TMC7: variants seen among roughly 807,000 people sequenced by gnomAD.
The protein encoded by TMC7 is transmembrane channel-like protein 7.
A neutral mutation model predicts 82.9 loss-of-function variants in TMC7; 54 were observed. That is an observed-to-expected ratio of 0.65 (90% CI 0.52 to 0.82). The LOEUF (loss-of-function observed/expected upper bound fraction) is 0.82, where lower values mean the gene tolerates loss of function less well. Ranked by LOEUF, TMC7 falls within the 40% of genes least tolerant of loss-of-function variation. TMC7 has a pLI of 0.00. For synonymous variants in TMC7, 350 were observed against 337.9 expected (o/e 1.04, Z -0.39); for missense variants, 820 against 901.2 (o/e 0.91, Z 1.15).
intron 5 of TMC7, among the ~76,000 whole-genome samples, chr16:19,027,662 T>C (rs1377962784): frequency 6.6e-6 from 1 of 152,146 alleles, no homozygotes; most frequent in Non-Finnish European, 1.5e-5. Context: ...TTTCTTCTGG[T>C]TGGACACGTT....
chr16:19,037,512 C>A (rs1960810720), intron 7 of TMC7, among the ~76,000 whole-genome samples: 1 of 146,828 alleles, frequency 6.8e-6, no homozygotes, highest in Non-Finnish European at 1.5e-5. Flanking sequence ...ACTCTGTCAC[C>A]CAGGCTGGAG....
At chr16:19,017,716 C>T (rs1244509197) in intron 3 of TMC7, among the ~76,000 whole-genome samples, 1 of 139,300 alleles carries the variant, frequency 7.2e-6, no homozygotes, top group African/African-American at 2.6e-5. Flanking sequence ...ATCACCCAGG[C>T]TGGAGTGCAG....
At chr16:18,992,420 C>A (rs2142122177) in intron 1 of TMC7, among the ~76,000 whole-genome samples, 1 of 152,284 alleles carries the variant, frequency 6.6e-6, no homozygotes, top group African/African-American at 2.4e-5. Flanking sequence ...TGTTCATATC[C>A]TTTGCCCACT....
chr16:19,054,840 G>T (rs1216458012), intron 13 of TMC7, among the ~76,000 whole-genome samples: 3 of 146,222 alleles, frequency 2.1e-5, no homozygotes, highest in African/African-American at 5.0e-5. Context: ...CGTCTCCCAG[G>T]TTCAAGCGAT....
chr16:19,016,002 C>T (rs372848426), intron 2 of TMC7, among the ~76,000 whole-genome samples: 9 of 152,270 alleles, frequency 5.9e-5, no homozygotes, highest in South Asian at 4.1e-4. Flanking sequence ...TCCATAGCGG[C>T]GGCATTTTAT....
intron 2 of TMC7, among the ~76,000 whole-genome samples, chr16:19,011,773 G>A (rs1327944570): frequency 6.6e-6 from 1 of 152,056 alleles, no homozygotes; most frequent in East Asian, 1.9e-4. Context: ...GTACCTTGTA[G>A]GTTTGAGAAT....
At chr16:18,991,787 C>T (rs1358611099) in intron 1 of TMC7, among the ~76,000 whole-genome samples, 1 of 152,148 alleles carries the variant, frequency 6.6e-6, no homozygotes, top group Non-Finnish European at 1.5e-5. Context: ...TTTCTGTGTC[C>T]AAGTGTTCTC....
At chr16:19,035,890 T>C (rs1419474224) in intron 7 of TMC7, 67 bp downstream of exon 7, 5 of 1,507,704 alleles carry the variant, frequency 3.3e-6, no homozygotes, top group Non-Finnish European at 4.4e-6. Context: ...GGAGCCTGAG[T>C]TTTCAGCTTG....
chr16:19,027,211 G>A (rs1355155381), intron 5 of TMC7, among the ~76,000 whole-genome samples: 1 of 151,082 alleles, frequency 6.6e-6, no homozygotes, highest in Non-Finnish European at 1.5e-5. Flanking sequence ...CTGGATTACA[G>A]GTGTGTATGA....
intron 12 of TMC7, among the ~76,000 whole-genome samples, chr16:19,047,836 C>T (rs1211116012): frequency 3.3e-5 from 5 of 150,858 alleles, no homozygotes; most frequent in African/African-American, 7.3e-5. Context: ...GCCTCAGCAT[C>T]CTGAGTAGCT....
chr16:19,051,573 T>C, intron 12 of TMC7, 113 bp from the exon 13 acceptor site: 1 of 1,261,136 alleles, frequency 7.9e-7, no homozygotes, highest in Non-Finnish European at 1.1e-6. Flanking sequence ...TGGACTACCC[T>C]CTGGAAAGGT....
At chr16:19,016,854 A>G (rs575336310) in intron 3 of TMC7, among the ~76,000 whole-genome samples, 2 of 152,260 alleles carry the variant, frequency 1.3e-5, no homozygotes, top group South Asian at 2.1e-4. Context: ...TGGAAATTTC[A>G]GTCATTATTA....
intron 15 of TMC7, among the ~76,000 whole-genome samples, chr16:19,061,089 C>T (rs1961987679): frequency 6.6e-6 from 1 of 151,778 alleles, no homozygotes; most frequent in Admixed American, 6.6e-5. Flanking sequence ...CTGCAACCTC[C>T]ACCTCCTGGG....
chr16:19,009,367 A>G lies in TMC7; in HGVS notation c.263A>G (p.His88Arg), dbSNP rs2142170828. 2 of 1,614,182 alleles carry G rather than the reference A, an allele frequency of 1.2e-6. No homozygotes were observed. The highest frequency in any genetic ancestry group is 2.2e-5 in the South Asian group (2 of 91,088). Residue 88 changes from histidine (H) to arginine (R), a missense_variant, in exon 2 of 16, where the codon CAT becomes CGT. This residue lies in a region of TMC7 where 650 missense variants were observed against 669.9 expected (regional missense o/e 0.97). Coordinates refer to ENST00000304381, the MANE Select transcript of TMC7 (RefSeq NM_024847.4). ...AGAATCGCTGAAAACCTCAGCAGCC[A>G]TTCTCTTCGAAATTATGCACTGAAC... is the stretch of plus-strand genomic sequence containing the variant. Reference protein sequence around the residue: ...EDRIAENLSSHSLRNYALNIS... With the variant: ...EDRIAENLSSRSLRNYALNIS...
chr16:18,989,766 G>A (rs1187694114), intron 1 of TMC7, among the ~76,000 whole-genome samples: 1 of 151,610 alleles, frequency 6.6e-6, no homozygotes, highest in Non-Finnish European at 1.5e-5. Context: ...AGATAGAGAA[G>A]GAAGAGTGGC....
At position 19,062,644 on chromosome 16, in the gene TMC7, A is replaced by C. The variant is rs533740962; in HGVS notation, c.*801A>C. ...TCTCCCTAAAAAAAAAATGTAGAAT[A>C]TCTCTTAAGATTTCCGTTATGGTAA... On this transcript the variant is annotated 3_prime_UTR_variant, in exon 16 of 16. Coordinates refer to ENST00000304381, the MANE Select transcript of TMC7 (RefSeq NM_024847.4). The C allele has an allele frequency of 6.5e-6, 1 of 152,760 alleles. No individual in the cohort carries two copies. The highest frequency in any genetic ancestry group is 1.9e-4 in the East Asian group (1 of 5,184). The allele number at this position is 152,760 out of a possible 1,614,324, so 9.5% of individuals were successfully genotyped here.
At chr16:18,997,974 C>T (rs973344313) in intron 1 of TMC7, among the ~76,000 whole-genome samples, 2 of 151,816 alleles carry the variant, frequency 1.3e-5, no homozygotes, top group African/African-American at 4.8e-5. Flanking sequence ...TCTCGTGATC[C>T]GCCCGCCTCG....
At chr16:19,061,685 A>T in intron 15 of TMC7, 93 bp from the exon 16 acceptor site, 2 of 1,030,764 alleles carry the variant, frequency 1.9e-6, no homozygotes, top group Non-Finnish European at 2.9e-6. Context: ...ACAATAGTCC[A>T]GTGGTTAGAA....
intron 13 of TMC7, among the ~76,000 whole-genome samples, chr16:19,053,630 C>T (rs895889496): frequency 3.3e-5 from 5 of 152,056 alleles, no homozygotes; most frequent in Non-Finnish European, 7.3e-5. Flanking sequence ...ATCAAACTCC[C>T]GACCGCAGGT....
Sources: allele counts gnomAD v4.1 joint callset (sites outside exome capture counted in the v4.1 genomes callset), GRCh38; gene constraint gnomAD v4.1.1; regional missense constraint gnomAD v4.1.1; transcripts MANE v1.5; gene names NCBI Gene and HGNC (gene_info 2026-07-23, HGNC 2026-07-21).